Variants in IQSEC3 observed in about 807,000 individuals in gnomAD.
IQSEC3 encodes IQ motif and SEC7 domain-containing protein 3.
Under a neutral mutation model 105.4 loss-of-function variants are expected in IQSEC3, and 50 were observed. That is an observed-to-expected ratio of 0.47 (90% CI 0.38 to 0.60). The LOEUF is 0.60. Among genes scored for constraint, IQSEC3 ranks in the 20% least tolerant of loss-of-function variants. The probability of loss-of-function intolerance (pLI) is 0.00; values close to 1 mark genes in which losing one functional copy is unlikely to be tolerated. For missense variants in IQSEC3, 1,415 were observed against 1,630.0 expected, an observed-to-expected ratio of 0.87 and a Z score of 2.27; for synonymous variants, 708 against 746.0, an observed-to-expected ratio of 0.95 and a Z score of 0.83.
intron 2 of IQSEC3, among the ~76,000 whole-genome samples, chr12:118,031 G>A (rs1865104638): frequency 6.6e-6 from 1 of 152,184 alleles, no homozygotes; most frequent in Non-Finnish European, 1.5e-5. Flanking sequence ...AGGGAGCTGG[G>A]CCTCTCCTTC....
At chr12:95,239 C>T (rs1864209212) in intron 1 of IQSEC3, among the ~76,000 whole-genome samples, 1 of 152,208 alleles carries the variant, frequency 6.6e-6, no homozygotes, top group South Asian at 2.1e-4. Flanking sequence ...TCAGTTTTCT[C>T]ATTTGTAAAA....
intron 3 of IQSEC3, among the ~76,000 whole-genome samples, chr12:126,572 T>TGC (rs1555083592): frequency 2.7e-4 from 41 of 151,502 alleles, no homozygotes; most frequent in African/African-American, 9.2e-4. Flanking sequence ...TGTGTGTGTG[T>TGC]GCGCTTAGAG....
intron 13 of IQSEC3, 136 bp downstream of exon 13, chr12:171,297 A>G (rs782051532): frequency 6.2e-7 from 1 of 1,613,978 alleles, no homozygotes; most frequent in Admixed American, 1.7e-5. Flanking sequence ...CAATTTCAAG[A>G]GATACAATTA....
At position 125,697 on chromosome 12, in the gene IQSEC3, G is replaced by A. The variant is rs1250304664; in HGVS notation, c.688G>A (p.Ala230Thr). 1.3e-6 allele frequency: 2 copies of A among 1,532,080 alleles called. No homozygotes were observed. The highest frequency in any genetic ancestry group is 2.0e-5 in the Admixed American group (1 of 50,456). 94.9% of individuals were successfully genotyped at this position (1,532,080 alleles called of 1,614,324 possible). ...EDSVVAAAAVAAGRPSAHAPK... is the reference protein window; with the variant it reads ...EDSVVAAAAVTAGRPSAHAPK... ...CTCCGTGGTGGCAGCGGCGGCGGTG[G>A]CAGCCGGCAGACCCAGTGCCCATGC... Residue 230 changes from alanine to threonine, a missense_variant, in exon 3 of 14, where the codon GCA becomes ACA. Ala to Thr is a moderately conservative substitution (Grantham distance 58). This residue lies in a region of IQSEC3 where 720 missense variants were observed against 633.0 expected (regional missense o/e 1.14). Coordinates refer to ENST00000538872, the MANE Select transcript of IQSEC3 (RefSeq NM_001170738.2).
rs1206082970 is a variant in IQSEC3 at position 176,608 on chromosome 12, C to T, written c.*1575C>T. ...CCCTGCTCCCAGAGGTTCCAGATGACCTAGTTTCGTTTTGTGTGTGTGTGT... is the reference window on the plus strand; with the variant it reads ...CCCTGCTCCCAGAGGTTCCAGATGATCTAGTTTCGTTTTGTGTGTGTGTGT... On this transcript the variant is annotated 3_prime_UTR_variant, in exon 14 of 14. Transcript: ENST00000538872. This position sits in a 1 kb window ranked among gnomAD's most constrained non-coding sequence, Gnocchi z 4.0. 2 of 151,920 alleles carry T rather than the reference C, an allele frequency of 1.3e-5. No homozygotes were observed. Among genetic ancestry groups the T allele is most frequent in the Non-Finnish European group, 2.9e-5 (2 of 68,078 alleles). 9.4% of individuals were successfully genotyped at this position (151,920 alleles called of 1,614,324 possible).
intron 3 of IQSEC3, among the ~76,000 whole-genome samples, chr12:137,252 C>T (rs1412519738): frequency 6.6e-6 from 1 of 152,048 alleles, no homozygotes; most frequent in African/African-American, 2.4e-5. Context: ...TCTGATGTTC[C>T]CAGGGAAAGG....
At position 141,202 on chromosome 12, in the gene IQSEC3, C is replaced by T; in HGVS notation, c.2070C>T (p.Leu690=). Residue 690 remains leucine, a synonymous_variant, in exon 5 of 14, where the codon CTC becomes CTT. Transcript: ENST00000538872. The part of the protein sequence containing the change: ...PDTPIGVAHF[L]LQRKGLSRQM... ...CCCCCATCGGTGTGGCCCATTTCCT[C>T]CTCCAGCGAAAGGGCCTCAGCCGCC... is the stretch of plus-strand genomic sequence containing the variant. 3.1e-6 allele frequency: 5 copies of T among 1,613,816 alleles called. No homozygotes were observed. The South Asian group carries it at 4.4e-5, about 14-fold the overall frequency.
At chr12:120,088 A>G (rs1171848300) in intron 2 of IQSEC3, among the ~76,000 whole-genome samples, 3 of 152,246 alleles carry the variant, frequency 2.0e-5, no homozygotes, top group African/African-American at 7.2e-5. Flanking sequence ...TACCTGTGAT[A>G]AAAAGGTGCA....
At chr12:78,375 G>C (rs7978751) in intron 1 of IQSEC3, among the ~76,000 whole-genome samples, 89,772 of 141,844 alleles carry the variant, frequency 0.63, 26,032 homozygotes, top group African/African-American at 0.7. Flanking sequence ...CGAGTAGATT[G>C]CCTTGGAGAA....
In IQSEC3 at chr12:157,152, G is replaced by A. The variant is rs1555094583; in HGVS notation, c.2276+5G>A. On this transcript the variant is annotated splice_donor_5th_base_variant and intron_variant, in intron 6 of 13. Coordinates refer to ENST00000538872, the MANE Select transcript of IQSEC3 (RefSeq NM_001170738.2). ...GCGGCTCATTGAGGCCTTCAGGTAA[G>A]GCCGCTTCCCAGCTCCACTCCCCAA... 9 of 1,562,680 alleles carry A rather than the reference G, an allele frequency of 5.8e-6. No individual in the cohort carries two copies. Among genetic ancestry groups the A allele is most frequent in the African/African-American group, 1.4e-5 (1 of 73,688 alleles).
At chr12:80,699 T>C (rs539734725) in intron 1 of IQSEC3, among the ~76,000 whole-genome samples, 60 of 152,174 alleles carry the variant, frequency 3.9e-4, no homozygotes, top group African/African-American at 1.4e-3. Context: ...ACAAACAAGA[T>C]CACTAATGAA....
rs1555097160 is a variant in IQSEC3 at position 163,576 on chromosome 12, C to A, written c.2666C>A (p.Ala889Glu). 1.2e-6 allele frequency: 2 copies of A among 1,600,506 alleles called. No homozygotes were observed. The highest frequency in any genetic ancestry group is 1.7e-6 in the Non-Finnish European group (2 of 1,168,802). The stretch of plus-strand genomic sequence containing the variant: ...GATGTGAACAAGCTGCAGAAGCAGG[C>A]AGCGCATCAGAGGGAGGTGTTCCTC... ...VTDVNKLQKQAAHQREVFLFN... is the reference protein window; with the variant it reads ...VTDVNKLQKQEAHQREVFLFN... The change falls in exon 9 of 14, where the codon GCA (alanine) becomes GAA (glutamate). Residue 889 changes from alanine to glutamate, a missense_variant. Physicochemically the swap from Ala to Glu is moderately radical, Grantham distance 107 (BLOSUM62 -1). Coordinates refer to ENST00000538872, the MANE Select transcript of IQSEC3 (RefSeq NM_001170738.2).
At chr12:80,437 A>T (rs533934469) in intron 1 of IQSEC3, among the ~76,000 whole-genome samples, 1 of 152,182 alleles carries the variant, frequency 6.6e-6, no homozygotes, top group Admixed American at 6.5e-5. Flanking sequence ...AGATGTTCTT[A>T]TAGCCTCACT....
chr12:159,008 G>C (rs1489509447), intron 7 of IQSEC3, among the ~76,000 whole-genome samples: 2 of 152,126 alleles, frequency 1.3e-5, no homozygotes, highest in African/African-American at 2.4e-5. Context: ...CCCCATTATA[G>C]AATGTAAGGA....
intron 5 of IQSEC3, among the ~76,000 whole-genome samples, chr12:156,339 G>A (rs1355572807): frequency 3.3e-5 from 5 of 152,174 alleles, no homozygotes; most frequent in Admixed American, 1.3e-4. Context: ...CACCAAGTTC[G>A]CAGGAGGGCC....
At chr12:112,015 A>G (rs1443215733) in intron 2 of IQSEC3, among the ~76,000 whole-genome samples, 1 of 152,142 alleles carries the variant, frequency 6.6e-6, no homozygotes, top group Non-Finnish European at 1.5e-5. Flanking sequence ...GGTTCCTCAT[A>G]GGCTGAGTAT....
chr12:120,623 A>G (rs1259585523), intron 2 of IQSEC3, among the ~76,000 whole-genome samples: 1 of 151,670 alleles, frequency 6.6e-6, no homozygotes, highest in Non-Finnish European at 1.5e-5. Flanking sequence ...CACCTGAGTG[A>G]CCCTCGGATG....
intron 2 of IQSEC3, among the ~76,000 whole-genome samples, chr12:114,191 G>A (rs1555080156): frequency 1.3e-5 from 2 of 152,226 alleles, no homozygotes; most frequent in Admixed American, 6.5e-5. Context: ...GGCAGAGAGG[G>A]AGAACTCAAA....
chr12:114,262 A>G (rs1478903775), intron 2 of IQSEC3, among the ~76,000 whole-genome samples: 2 of 152,232 alleles, frequency 1.3e-5, no homozygotes, highest in Non-Finnish European at 2.9e-5. Flanking sequence ...TACAGGCCAC[A>G]TGCTTCATGT....
Sources: gnomAD v4.1 joint callset for allele counts (sites outside exome capture counted in the v4.1 genomes callset) on GRCh38, gnomAD v4.1.1 for gene constraint, gnomAD v4.1.1 regional missense constraint, Gnocchi (gnomAD v3.1) non-coding constraint, MANE v1.5 for transcripts, NCBI Gene and HGNC (gene_info 2026-07-23, HGNC 2026-07-21) for gene names.